Variants in IL6ST observed in about 807,000 individuals in gnomAD.
IL6ST encodes interleukin 6 cytokine family signal transducer.
A neutral mutation model predicts 91.3 loss-of-function variants in IL6ST; 24 were observed. The observed-to-expected ratio is 0.26, with a 90% CI of 0.19 to 0.37. IL6ST has a LOEUF of 0.37. IL6ST is among the 10% of genes least tolerant of loss of function. IL6ST has a pLI of 1.00. For missense variants in IL6ST, 914 were observed against 1,078.5 expected, an observed-to-expected ratio of 0.85 and a Z score of 2.14; for synonymous variants, 351 against 373.6, an observed-to-expected ratio of 0.94 and a Z score of 0.70.
intron 3 of IL6ST, among the ~76,000 whole-genome samples, chr5:55,975,844 G>GTA (rs1036356671): frequency 9.3e-5 from 14 of 151,090 alleles, no homozygotes; most frequent in Admixed American, 6.0e-4. Flanking sequence ...AGAGCATGTA[G>GTA]TATGAATGAC....
intron 2 of IL6ST, among the ~76,000 whole-genome samples, chr5:55,978,971 A>AAAATC (rs1467553731): frequency 6.6e-6 from 1 of 152,230 alleles, no homozygotes; most frequent in Non-Finnish European, 1.5e-5. Context: ...GATGAAAAAT[A>AAAATC]AAATCAACCA....
intron 2 of IL6ST, among the ~76,000 whole-genome samples, chr5:55,976,656 G>GA (rs993624189): frequency 6.6e-6 from 1 of 151,944 alleles, no homozygotes; most frequent in Non-Finnish European, 1.5e-5. Flanking sequence ...CTGACAAATG[G>GA]AAAAAAATGT....
In IL6ST at chr5:55,940,412, T is replaced by A. The variant is rs1224942440; in HGVS notation, c.*670A>T. The A allele has an allele frequency of 4.8e-6, 1 of 209,208 alleles. No individual in the cohort carries two copies. The highest frequency in any genetic ancestry group is 7.3e-5 in the East Asian group (1 of 13,750). The allele number at this position is 209,208 out of a possible 1,614,324, so 13.0% of individuals were successfully genotyped here. ...TTTGAAAACTAGTGAGATTACTAAT[T>A]ATTGATGAATAAAAAATGAGTACTT... is the stretch of plus-strand genomic sequence containing the variant. On this transcript the variant is annotated 3_prime_UTR_variant, in exon 17 of 17. Coordinates refer to ENST00000381298, the MANE Select transcript of IL6ST (RefSeq NM_002184.4).
At chr5:55,985,368 T>C (rs1753904789) in intron 1 of IL6ST, among the ~76,000 whole-genome samples, 1 of 151,814 alleles carries the variant, frequency 6.6e-6, no homozygotes, top group African/African-American at 2.4e-5. Context: ...ATTTTAAAAA[T>C]TAGCCGGGTG....
chr5:55,948,537 C>CATATAT lies in IL6ST; in HGVS notation c.1841-954_1841-949dup, dbSNP rs374790595. ...ATATTAACTCTTAAATGCTAAGCAT[C>CATATAT]ATATATATATATATATGGGTGTATG... On this transcript the variant is annotated intron_variant, in intron 14 of 16. Coordinates refer to ENST00000381298, the MANE Select transcript of IL6ST (RefSeq NM_002184.4). Among the ~76,000 whole-genome samples, 3 of 147,600 alleles carry CATATAT rather than the reference C, an allele frequency of 2.0e-5. No individual in the cohort carries two copies. In the South Asian group the frequency reaches 6.4e-4, roughly 31 times the overall value.
rs1194493716 is a variant in IL6ST at position 55,936,713 on chromosome 5, T to C, written c.*4369A>G. 4 of 191,966 alleles carry C rather than the reference T, an allele frequency of 2.1e-5. No individual in the cohort carries two copies. The highest frequency in any genetic ancestry group is 4.4e-5 in the Non-Finnish European group (4 of 91,864). 11.9% of individuals were successfully genotyped at this position (191,966 alleles called of 1,614,324 possible). On this transcript the variant is annotated 3_prime_UTR_variant, in exon 17 of 17. Transcript: ENST00000381298. ...ATTAGAGCTAATATATAATAGAACA[T>C]TTAATATAACATTTGGAGTTATGTC...
At position 55,939,873 on chromosome 5, in the gene IL6ST, TTAAG is replaced by T. The variant is rs1561146875; in HGVS notation, c.*1205_*1208del. 1 of 203,678 alleles carries T rather than the reference TTAAG, an allele frequency of 4.9e-6. No homozygotes were observed. Among genetic ancestry groups the T allele is most frequent in the African/African-American group, 2.3e-5 (1 of 43,772 alleles). The allele number at this position is 203,678 out of a possible 1,614,324, so 12.6% of individuals were successfully genotyped here. On this transcript the variant is annotated 3_prime_UTR_variant, in exon 17 of 17. Coordinates refer to ENST00000381298, the MANE Select transcript of IL6ST (RefSeq NM_002184.4). ...CAGACATTAAAATACCATCTCTTTA[TTAAG>T]TGTCTCTACAATAATGATATTTGCT...
At chr5:55,945,442 T>C (rs772276442) in intron 15 of IL6ST, among the ~76,000 whole-genome samples, 2 of 152,028 alleles carry the variant, frequency 1.3e-5, no homozygotes, top group South Asian at 2.1e-4. Context: ...ATTAGACATC[T>C]GAAGGAACAA....
intron 15 of IL6ST, among the ~76,000 whole-genome samples, chr5:55,945,119 A>T (rs1580786539): frequency 6.6e-6 from 1 of 152,134 alleles, no homozygotes; most frequent in Non-Finnish European, 1.5e-5. Flanking sequence ...ATAAAATCCC[A>T]ATCAAAACTA....
chr5:55,936,699 TATATA>T lies in IL6ST; in HGVS notation c.*4378_*4382del, dbSNP rs1580768781. ...AATTTACTTAAGGGATTAGAGCTAATATATAATAGAACATTTAATATAACATTTGG... is the reference window on the plus strand; with the variant it reads ...AATTTACTTAAGGGATTAGAGCTAATATAGAACATTTAATATAACATTTGG... On this transcript the variant is annotated 3_prime_UTR_variant, in exon 17 of 17. Transcript: ENST00000381298. The T allele has an allele frequency of 5.7e-5, 11 of 192,456 alleles. No individual in the cohort carries two copies. The East Asian group carries it at 9.2e-4, about 16-fold the overall frequency. The allele number at this position is 192,456 out of a possible 1,614,324, so 11.9% of individuals were successfully genotyped here.
chr5:55,967,309 CAAAAAAAAAAAAAAAAAA>C (rs60547666), intron 5 of IL6ST, among the ~76,000 whole-genome samples: 14 of 31,900 alleles, frequency 4.4e-4, no homozygotes, highest in African/African-American at 1.1e-3. Flanking sequence ...GACTCCATCT[CAAAAAAAAAAAAAAAAAA>C]AAAAAAAAAA....
chr5:55,959,239 T>G (rs952648458), intron 8 of IL6ST, among the ~76,000 whole-genome samples: 1 of 152,184 alleles, frequency 6.6e-6, no homozygotes, highest in Non-Finnish European at 1.5e-5. Flanking sequence ...GACAAAGCAA[T>G]CTGGCTGAGG....
At chr5:55,950,225 G>T (rs1329450863) in intron 14 of IL6ST, 2 of 479,314 alleles carry the variant, frequency 4.2e-6, no homozygotes, top group Non-Finnish European at 8.3e-6. Flanking sequence ...GACAGAGTTT[G>T]AATAGGCAAG....
At chr5:55,947,034 C>A (rs1335568416) in intron 15 of IL6ST, among the ~76,000 whole-genome samples, 1 of 151,998 alleles carries the variant, frequency 6.6e-6, no homozygotes, top group African/African-American at 2.4e-5. Context: ...GATACCCCAT[C>A]TCTACTAAAA....
At chr5:55,964,075 A>G in intron 6 of IL6ST, 71 bp downstream of exon 6, 1 of 726,590 alleles carries the variant, frequency 1.4e-6, no homozygotes, top group Non-Finnish European at 2.1e-6. Flanking sequence ...AAAAATCTAA[A>G]TATAAAAACT....
At position 55,957,265 on chromosome 5, in the gene IL6ST, A is replaced by G. The variant is rs753100575; in HGVS notation, c.1000T>C (p.Tyr334His). 2.6e-6 allele frequency: 4 copies of G among 1,564,694 alleles called. No homozygotes were observed. The Admixed American group carries it at 7.5e-5, about 29-fold the overall frequency. Residue 334 changes from tyrosine (Y) to histidine (H), a missense_variant, in exon 9 of 17, where the codon TAT becomes CAT. Physicochemically the swap from Tyr to His is moderately conservative, Grantham distance 83 (BLOSUM62 2). Coordinates refer to ENST00000381298, the MANE Select transcript of IL6ST (RefSeq NM_002184.4). ...DRPSKAPSFWYKIDPSHTQGY... is the reference protein window; with the variant it reads ...DRPSKAPSFWHKIDPSHTQGY... ...TGAGTATGGGATGGATCTATTTTAT[A>G]CCAGAAACTTGGTGCTTTAGATGGT... is the stretch of plus-strand genomic sequence containing the variant.
chr5:55,992,438 C>T (rs1177413217), intron 1 of IL6ST, among the ~76,000 whole-genome samples: 2 of 152,182 alleles, frequency 1.3e-5, no homozygotes, highest in African/African-American at 4.8e-5. Context: ...AATTAACCTT[C>T]TTGTGCCTGG....
intron 11 of IL6ST, among the ~76,000 whole-genome samples, chr5:55,952,756 A>C (rs992271362): frequency 1.3e-5 from 2 of 152,136 alleles, no homozygotes; most frequent in African/African-American, 4.8e-5. Flanking sequence ...AGTTGGAAAA[A>C]AGGGTATCTT....
At chr5:55,942,338 G>A (rs1750972735) in intron 16 of IL6ST, among the ~76,000 whole-genome samples, 1 of 152,152 alleles carries the variant, frequency 6.6e-6, no homozygotes, top group Non-Finnish European at 1.5e-5. Context: ...CAAAATGCTT[G>A]AGGTAGTTAC....
Sources: gnomAD v4.1 joint callset for allele counts (sites outside exome capture counted in the v4.1 genomes callset) on GRCh38, gnomAD v4.1.1 for gene constraint, MANE v1.5 for transcripts, NCBI Gene and HGNC (gene_info 2026-07-23, HGNC 2026-07-21) for gene names.